Variants in ZWILCH observed in about 807,000 individuals in gnomAD.
ZWILCH encodes zwilch kinetochore protein.
A neutral mutation model predicts 79.9 loss-of-function variants in ZWILCH; 74 were observed. The observed-to-expected ratio is 0.93, with a 90% confidence interval of 0.77 to 1.12. The LOEUF (loss-of-function observed/expected upper bound fraction) is 1.12. Among genes scored for constraint, ZWILCH ranks in the 50% most tolerant of loss-of-function variants. The pLI, the probability that ZWILCH is intolerant of heterozygous loss-of-function variation, is 0.00. For missense variants in ZWILCH, 694 were observed against 687.5 expected (o/e 1.01, Z -0.11); for synonymous variants, 241 against 228.2 (o/e 1.06, Z -0.51).
At chr15:66,544,724 TTGTG>T (rs1555426547) in intron 17 of ZWILCH, among the ~76,000 whole-genome samples, 11 of 128,542 alleles carry the variant, frequency 8.6e-5, no homozygotes, top group East Asian at 2.5e-4. Context: ...TTTTTGGTTT[TTGTG>T]TGTGTGTGTG....
intron 8 of ZWILCH, among the ~76,000 whole-genome samples, chr15:66,526,029 G>T (rs1894662700): frequency 6.6e-6 from 1 of 152,064 alleles, no homozygotes; most frequent in Non-Finnish European, 1.5e-5. Context: ...CACCCAAAGT[G>T]CTGGGATTAC....
At chr15:66,537,402 T>C (rs1278635524) in intron 16 of ZWILCH, 139 bp downstream of exon 16, 1 of 540,248 alleles carries the variant, frequency 1.9e-6, no homozygotes, top group Non-Finnish European at 3.2e-6. Flanking sequence ...TATTAAAAAA[T>C]AATAATAGCT....
At chr15:66,518,599 G>C (rs1342048006) in intron 4 of ZWILCH, among the ~76,000 whole-genome samples, 1 of 152,194 alleles carries the variant, frequency 6.6e-6, no homozygotes, top group Non-Finnish European at 1.5e-5. Context: ...AATTGCTTGA[G>C]GCAAGTAGTT....
intron 2 of ZWILCH, among the ~76,000 whole-genome samples, chr15:66,511,612 C>CT (rs1894068760): frequency 6.6e-6 from 1 of 150,906 alleles, no homozygotes; most frequent in African/African-American, 2.4e-5. Flanking sequence ...AATGAAAATG[C>CT]TTTTTTTCTT....
chr15:66,520,303 T>C (rs1207334605), intron 5 of ZWILCH, among the ~76,000 whole-genome samples: 11 of 149,016 alleles, frequency 7.4e-5, no homozygotes, highest in Admixed American at 7.3e-4. Context: ...TAATTTTCTA[T>C]AGAGACAGGG....
Position 66,519,088 on chromosome 15 carries a change from C to G in ZWILCH, c.520+10C>G, listed in dbSNP as rs781149264. 45 of 1,612,122 alleles carry G rather than the reference C, an allele frequency of 2.8e-5. No individual in the cohort carries two copies. Among genetic ancestry groups the G allele is most frequent in the Admixed American group, 2.2e-4 (13 of 59,994 alleles). On this transcript the variant is annotated intron_variant, in intron 5 of 18. Coordinates refer to ENST00000307897, the MANE Select transcript of ZWILCH (RefSeq NM_017975.5). ...GTGGTCAGTTGTAAAGGTGAGTGCT[C>G]TCTCTAGAGAGTGTGTGTGTGTATT...
At chr15:66,505,783 C>G in intron 1 of ZWILCH, 1 of 243,816 alleles carries the variant, frequency 4.1e-6, no homozygotes, top group Non-Finnish European at 8.0e-6. Context: ...CTGTTAATCT[C>G]TATTATTCGA....
At position 66,532,272 on chromosome 15, in the gene ZWILCH, T is replaced by C. The variant is rs779383305; in HGVS notation, c.1181T>C (p.Leu394Pro). The C allele has an allele frequency of 6.2e-7, 1 of 1,600,550 alleles. No individual in the cohort carries two copies. Among genetic ancestry groups the C allele is most frequent in the Non-Finnish European group, 8.5e-7 (1 of 1,174,874 alleles). The change falls in exon 13 of 19, where the codon CTA becomes CCA. Residue 394 changes from leucine (L) to proline (P), a missense_variant. By Grantham distance (98) the Leu-to-Pro change is moderately conservative (BLOSUM62 -3). Transcript: ENST00000307897. ...CTCCATAGTGGAAGTAACAGTTTACTAAGTAAGCTCATTCATCAGTCTTAT... is the reference window on the plus strand; with the variant it reads ...CTCCATAGTGGAAGTAACAGTTTACCAAGTAAGCTCATTCATCAGTCTTAT... ...PWLHSGSNSLLSKLIHQSYHG... is the reference protein window; with the variant it reads ...PWLHSGSNSLPSKLIHQSYHG...
chr15:66,543,866 A>G (rs987147801), intron 17 of ZWILCH, among the ~76,000 whole-genome samples: 7 of 152,368 alleles, frequency 4.6e-5, no homozygotes, highest in Non-Finnish European at 8.8e-5. Context: ...CCACTGTGCA[A>G]CTGTGGCTGA....
Position 66,528,909 on chromosome 15 carries a change from C to T in ZWILCH, c.1027C>T (p.Arg343Trp), listed in dbSNP as rs762594506. 12 of 1,614,020 alleles carry T rather than the reference C, an allele frequency of 7.4e-6. No homozygotes were observed. The highest frequency in any genetic ancestry group is 3.3e-5 in the South Asian group (3 of 91,062). The change falls in exon 11 of 19, where the codon CGG becomes TGG. Residue 343 changes from arginine (R) to tryptophan (W), a missense_variant. Coordinates refer to ENST00000307897, the MANE Select transcript of ZWILCH (RefSeq NM_017975.5). ...DRSVKRLFKV[R>W]SDLDFAEQLW... ...TTCCGTCAAGCGTCTTTTCAAAGTT[C>T]GGAGTGATCTTGATTTTGCTGAGCA...
At chr15:66,508,686 C>G (rs1893916078) in intron 1 of ZWILCH, 155 bp from the exon 2 acceptor site, 2 of 1,354,386 alleles carry the variant, frequency 1.5e-6, no homozygotes, top group African/African-American at 3.0e-5. Flanking sequence ...TGCTTTTTTT[C>G]TCTCTCTGCA....
intron 17 of ZWILCH, among the ~76,000 whole-genome samples, chr15:66,543,758 G>GAA (rs200187632): frequency 3.7e-5 from 5 of 133,746 alleles, no homozygotes; most frequent in Non-Finnish European, 4.8e-5. Flanking sequence ...CCCTGTCTCA[G>GAA]AAAAAAAAAA....
intron 4 of ZWILCH, among the ~76,000 whole-genome samples, chr15:66,518,622 G>A (rs1894375670): frequency 6.6e-6 from 1 of 152,184 alleles, no homozygotes. Context: ...AGACCAGCCT[G>A]AGCAACACTG....
At chr15:66,515,672 G>T in intron 4 of ZWILCH, 28 bp downstream of exon 4, 1 of 1,436,918 alleles carries the variant, frequency 7.0e-7, no homozygotes, top group African/African-American at 1.4e-5. Flanking sequence ...CTGAGTAGGG[G>T]TGGCAACTAG....
intron 5 of ZWILCH, 80 bp downstream of exon 5, chr15:66,519,158 G>A: frequency 7.1e-7 from 1 of 1,410,458 alleles, no homozygotes; most frequent in Non-Finnish European, 1.0e-6. Context: ...TACGAAAATT[G>A]ATATTGTTAT....
chr15:66,517,455 T>TATATATAGAGAGAGAG (rs1180456312), intron 4 of ZWILCH, among the ~76,000 whole-genome samples: 2 of 115,216 alleles, frequency 1.7e-5, no homozygotes, highest in South Asian at 5.9e-4. Flanking sequence ...TATATATATA[T>TATATATAGAGAGAGAG]AGTAATGTAC....
intron 1 of ZWILCH, among the ~76,000 whole-genome samples, chr15:66,507,647 A>G (rs1893875438): frequency 6.6e-6 from 1 of 152,216 alleles, no homozygotes. Flanking sequence ...ACTGTGAACC[A>G]GGGACTATGC....
intron 17 of ZWILCH, among the ~76,000 whole-genome samples, chr15:66,542,136 A>G (rs2140809040): frequency 6.6e-6 from 1 of 152,318 alleles, no homozygotes; most frequent in East Asian, 1.9e-4. Context: ...AAAACAGACA[A>G]ATTATAAACT....
Position 66,517,455 on chromosome 15 carries a change from T to TATATATATATAGAGAGAGAGAG in ZWILCH, c.321-1423_321-1422insTATATATATAGAGAGAGAGAGA, listed in dbSNP as rs1180456312. Among the ~76,000 whole-genome samples, 3 of 115,220 alleles carry TATATATATATAGAGAGAGAGAG rather than the reference T, an allele frequency of 2.6e-5. No homozygotes were observed. In the East Asian group the frequency reaches 7.6e-4, roughly 29 times the overall value. 75.6% of individuals were successfully genotyped at this position (115,220 alleles called of 152,430 possible). ...GTATATATATATATATATATATATA[T>TATATATATATAGAGAGAGAGAG]AGTAATGTACACACATACACCATTT... On this transcript the variant is annotated intron_variant, in intron 4 of 18. Coordinates refer to ENST00000307897, the MANE Select transcript of ZWILCH (RefSeq NM_017975.5).
Sources: allele counts gnomAD v4.1 joint callset (sites outside exome capture counted in the v4.1 genomes callset), GRCh38; gene constraint gnomAD v4.1.1; transcripts MANE v1.5; gene names NCBI Gene and HGNC (gene_info 2026-07-23, HGNC 2026-07-21).